Variants in ZBTB10 observed in about 807,000 individuals in gnomAD.
The protein encoded by ZBTB10 is zinc finger and BTB domain containing 10.
Under a neutral mutation model 76.4 loss-of-function variants are expected in ZBTB10, and 32 were observed. The ratio of observed to expected loss-of-function variants is 0.42; its 90% confidence interval spans 0.32 to 0.56. The LOEUF (loss-of-function observed/expected upper bound fraction) is 0.56, where lower values mean the gene tolerates loss of function less well. Among genes scored for constraint, ZBTB10 ranks in the 20% least tolerant of loss-of-function variants. The pLI, the probability that ZBTB10 is intolerant of heterozygous loss-of-function variation, is 0.14. For synonymous variants in ZBTB10, 523 were observed against 432.9 expected, an observed-to-expected ratio of 1.21 and a Z score of -2.58; for missense variants, 1,057 against 1,098.5, an observed-to-expected ratio of 0.96 and a Z score of 0.53.
intron 1 of ZBTB10, among the ~76,000 whole-genome samples, chr8:80,488,958 A>G (rs752602182): frequency 2.4e-4 from 36 of 152,228 alleles, no homozygotes; most frequent in Non-Finnish European, 4.1e-4. Flanking sequence ...TTAACTTTAA[A>G]GCACAGGGTG....
intron 1 of ZBTB10, among the ~76,000 whole-genome samples, chr8:80,492,470 G>A (rs928249780): frequency 6.6e-6 from 1 of 152,072 alleles, no homozygotes; most frequent in African/African-American, 2.4e-5. Flanking sequence ...TATATAATCA[G>A]GGTACATTGA....
Position 80,510,038 on chromosome 8 carries a change from G to A in ZBTB10, c.1862-3872G>A, listed in dbSNP as rs143361480. Among the ~76,000 whole-genome samples, 316 of 152,226 alleles carry A rather than the reference G, an allele frequency of 2.1e-3. 1 individual carries two copies. Among genetic ancestry groups the A allele is most frequent in the African/African-American group, 6.7e-3 (279 of 41,530 alleles). On this transcript the variant is annotated intron_variant, in intron 2 of 5. Transcript: ENST00000455036. ...AGTATATAAATGTGAATTCTAAGGA[G>A]GAGATTGCTTTAAAGTAGACAAAAA...
intron 2 of ZBTB10, among the ~76,000 whole-genome samples, chr8:80,509,441 A>G (rs1206192572): frequency 2.0e-5 from 3 of 152,072 alleles, no homozygotes; most frequent in African/African-American, 7.2e-5. Flanking sequence ...TAATGGTTGG[A>G]ATATTGAGAA....
At chr8:80,517,871 CTTTTTTTTTTTTT>C (rs773074047) in intron 3 of ZBTB10, among the ~76,000 whole-genome samples, 24 of 76,844 alleles carry the variant, frequency 3.1e-4, no homozygotes, top group Admixed American at 1.5e-3. Context: ...CGCCCGCCAC[CTTTTTTTTTTTTT>C]TTTTTTTTTT....
rs1358658505 is a variant in ZBTB10 at position 80,524,092 on chromosome 8, AAT to A, written c.*4565_*4566del. The A allele has an allele frequency of 6.6e-6, 1 of 152,032 alleles. No homozygotes were observed. Among genetic ancestry groups the A allele is most frequent in the African/African-American group, 2.4e-5 (1 of 41,446 alleles). 9.4% of individuals were successfully genotyped at this position (152,032 alleles called of 1,614,324 possible). A position where few individuals can be genotyped will look rare whatever the true frequency, so the allele number is the denominator to read the frequency against. On this transcript the variant is annotated 3_prime_UTR_variant, in exon 6 of 6. Transcript: ENST00000455036. ...TTGTGAATTTTATTGACTGACATTT[AAT>A]TCAGATTTCTTTGCAAGTGTACTAA... is the stretch of plus-strand genomic sequence containing the variant.
At chr8:80,494,339 ACTTT>A (rs1184134622) in intron 1 of ZBTB10, among the ~76,000 whole-genome samples, 1 of 152,108 alleles carries the variant, frequency 6.6e-6, no homozygotes, top group Non-Finnish European at 1.5e-5. Flanking sequence ...GTGCTGTTTG[ACTTT>A]CTATTACTTG....
At chr8:80,511,751 A>G (rs1253633028) in intron 2 of ZBTB10, among the ~76,000 whole-genome samples, 1 of 152,196 alleles carries the variant, frequency 6.6e-6, no homozygotes, top group African/African-American at 2.4e-5. Context: ...TTGTAGACCA[A>G]AAAACCAAAT....
rs184640616 is a variant in ZBTB10 at position 80,499,892 on chromosome 8, T to C, written c.1371T>C (p.Asn457=). ...GTGAAGTTGTTCAAACTTGCCGAAATTTCATTAAAGATGCCTTAAATATAA... is the reference window on the plus strand; with the variant it reads ...GTGAAGTTGTTCAAACTTGCCGAAACTTCATTAAAGATGCCTTAAATATAA... The part of the protein sequence containing the change: ...QMSEVVQTCR[N]FIKDALNISI... The change falls in exon 2 of 6, where the codon AAT becomes AAC. Residue 457 remains asparagine (N), a synonymous_variant. Transcript: ENST00000455036. The C allele has an allele frequency of 6.2e-7, 1 of 1,613,888 alleles. No homozygotes were observed. The highest frequency in any genetic ancestry group is 2.2e-5 in the East Asian group (1 of 44,888).
chr8:80,511,414 G>T (rs1816191132), intron 2 of ZBTB10, among the ~76,000 whole-genome samples: 1 of 152,192 alleles, frequency 6.6e-6, no homozygotes, highest in African/African-American at 2.4e-5. Flanking sequence ...TCCTTGAACA[G>T]ACTGCATTTC....
At position 80,486,479 on chromosome 8, in the gene ZBTB10, G is replaced by A. The variant is rs924563734; in HGVS notation, c.-332G>A. ...CGCACTCCGCTGCTCAACTTCGAAG[G>A]CCTCGCTCGCTGCAGGCTCGCTCCT... On this transcript the variant is annotated 5_prime_UTR_variant, in exon 1 of 6. Coordinates refer to ENST00000455036, the MANE Select transcript of ZBTB10 (RefSeq NM_001105539.3). 6 of 985,102 alleles carry A rather than the reference G, an allele frequency of 6.1e-6. No homozygotes were observed. The highest frequency in any genetic ancestry group is 5.2e-4 in the Middle Eastern group (1 of 1,936). The allele number at this position is 985,102 out of a possible 1,614,324, so 61.0% of individuals were successfully genotyped here.
chr8:80,518,464 A>T lies in ZBTB10; in HGVS notation c.2022A>T (p.Gly674=), dbSNP rs1304768991. ...MPGPSNDFKY[G]LIPGTSNDFK... ...GTCCTTCAAATGATTTCAAGTATGG[A>T]TTGATACCAGGTACTTCAAATGATT... Residue 674 remains glycine, a synonymous_variant, in exon 4 of 6, where the codon GGA becomes GGT. Coordinates refer to ENST00000455036, the MANE Select transcript of ZBTB10 (RefSeq NM_001105539.3). 1 of 1,553,380 alleles carries T rather than the reference A, an allele frequency of 6.4e-7. No individual in the cohort carries two copies. Among genetic ancestry groups the T allele is most frequent in the Non-Finnish European group, 8.7e-7 (1 of 1,147,892 alleles).
At chr8:80,490,059 T>TA (rs1815583769) in intron 1 of ZBTB10, among the ~76,000 whole-genome samples, 1 of 152,170 alleles carries the variant, frequency 6.6e-6, no homozygotes, top group Admixed American at 6.5e-5. Context: ...TCGTTTTTCT[T>TA]CAGTCTCCAA....
At chr8:80,508,411 A>G (rs1258156588) in intron 2 of ZBTB10, among the ~76,000 whole-genome samples, 2 of 152,238 alleles carry the variant, frequency 1.3e-5, no homozygotes, top group Non-Finnish European at 2.9e-5. Flanking sequence ...ATAATAGGAA[A>G]TTTGGAAACG....
Position 80,520,685 on chromosome 8 carries a change from C to G in ZBTB10, c.*1157C>G, listed in dbSNP as rs909798311. ...AATACTTAATTTATTTTTTTCTGTC[C>G]TTGAAGTCACTACACCTTGATACAG... On this transcript the variant is annotated 3_prime_UTR_variant, in exon 6 of 6. Coordinates refer to ENST00000455036, the MANE Select transcript of ZBTB10 (RefSeq NM_001105539.3). 2 of 151,826 alleles carry G rather than the reference C, an allele frequency of 1.3e-5. No homozygotes were observed. The highest frequency in any genetic ancestry group is 3.9e-4 in the East Asian group (2 of 5,178). 9.4% of individuals were successfully genotyped at this position (151,826 alleles called of 1,614,324 possible). A position where few individuals can be genotyped will look rare whatever the true frequency, so the allele number is the denominator to read the frequency against.
chr8:80,513,317 A>AT (rs543743790), intron 2 of ZBTB10, among the ~76,000 whole-genome samples: 101 of 152,004 alleles, frequency 6.6e-4, no homozygotes, highest in African/African-American at 2.3e-3. Context: ...TAATTTTTGT[A>AT]TTTTTTGTAG....
intron 3 of ZBTB10, among the ~76,000 whole-genome samples, chr8:80,514,303 G>T (rs954990341): frequency 9.9e-5 from 15 of 152,182 alleles, no homozygotes; most frequent in African/African-American, 3.6e-4. Flanking sequence ...AACGGAAATG[G>T]TAATTACGAT....
intron 1 of ZBTB10, among the ~76,000 whole-genome samples, chr8:80,489,099 C>G (rs1815558869): frequency 6.6e-6 from 1 of 150,806 alleles, no homozygotes; most frequent in African/African-American, 2.4e-5. Flanking sequence ...AGTAAATAGT[C>G]CTAAGAGTCT....
Position 80,519,707 on chromosome 8 carries a change from A to T in ZBTB10, c.*179A>T. 1.7e-6 allele frequency: 1 copy of T among 579,036 alleles called. No individual in the cohort carries two copies. The highest frequency in any genetic ancestry group is 3.0e-6 in the Non-Finnish European group (1 of 333,470). 35.9% of individuals were successfully genotyped at this position (579,036 alleles called of 1,614,324 possible). A position where few individuals can be genotyped will look rare whatever the true frequency, so the allele number is the denominator to read the frequency against. The stretch of plus-strand genomic sequence containing the variant: ...AAATTTTTTTTTATATTTGCACAGG[A>T]CTATACAGCAAACAACCATGTGGTT... On this transcript the variant is annotated 3_prime_UTR_variant, in exon 6 of 6. Coordinates refer to ENST00000455036, the MANE Select transcript of ZBTB10 (RefSeq NM_001105539.3).
At chr8:80,503,095 TAATG>T (rs1188020779) in intron 2 of ZBTB10, among the ~76,000 whole-genome samples, 1 of 152,170 alleles carries the variant, frequency 6.6e-6, no homozygotes, top group East Asian at 1.9e-4. Context: ...GAGTCAAACA[TAATG>T]AATTTAAAAT....
Sources: allele counts gnomAD v4.1 joint callset (sites outside exome capture counted in the v4.1 genomes callset), GRCh38; gene constraint gnomAD v4.1.1; transcripts MANE v1.5; gene names NCBI Gene and HGNC (gene_info 2026-07-23, HGNC 2026-07-21).